Variants in AKAP12 observed in about 807,000 individuals in gnomAD.
The protein encoded by AKAP12 is A-kinase anchor protein 12.
A neutral mutation model predicts 79.9 loss-of-function variants in AKAP12; 32 were observed. That is an observed-to-expected ratio of 0.40 (90% confidence interval 0.30 to 0.54). The LOEUF is 0.54. Ranked by LOEUF, AKAP12 falls within the 20% of genes least tolerant of loss-of-function variation. AKAP12 has a pLI of 0.48. For synonymous variants in AKAP12, 808 were observed against 857.0 expected (o/e 0.94, Z 1.00); for missense variants, 2,074 against 2,177.0 (o/e 0.95, Z 0.94).
intron 2 of AKAP12, among the ~76,000 whole-genome samples, chr6:151,303,903 A>G (rs1776916784): frequency 6.6e-6 from 1 of 152,178 alleles, no homozygotes; most frequent in South Asian, 2.1e-4. Flanking sequence ...CCTCAAACAG[A>G]AAAACGCTGG....
Position 151,353,125 on chromosome 6 carries a change from A to G in AKAP12, c.4734A>G (p.Thr1578=). ...ATEMLTSELQ[T]QAHVIKADSQ... Reference sequence around the variant, plus strand: ...AAATGTTGACGTCTGAGTTACAGACACAAGCTCACGTGATAAAAGCTGACA... The same window carrying G: ...AAATGTTGACGTCTGAGTTACAGACGCAAGCTCACGTGATAAAAGCTGACA... The change falls in exon 4 of 5, where the codon ACA becomes ACG. Residue 1578 remains threonine (T), a synonymous_variant. Transcript: ENST00000402676. The G allele has an allele frequency of 1.2e-6, 2 of 1,614,254 alleles. No individual in the cohort carries two copies. The highest frequency in any genetic ancestry group is 1.7e-6 in the Non-Finnish European group (2 of 1,180,044).
At chr6:151,264,910 C>T (rs979958318) in intron 2 of AKAP12, among the ~76,000 whole-genome samples, 3 of 151,526 alleles carry the variant, frequency 2.0e-5, no homozygotes, top group African/African-American at 7.3e-5. Flanking sequence ...CCAGCACTTT[C>T]GGAGGCTGAG....
At chr6:151,345,961 G>GAA (rs1554333014) in intron 3 of AKAP12, among the ~76,000 whole-genome samples, 13 of 143,224 alleles carry the variant, frequency 9.1e-5, no homozygotes, top group African/African-American at 3.3e-4. Flanking sequence ...GAGAGAGAGA[G>GAA]AGAAAGGAGA....
intron 2 of AKAP12, among the ~76,000 whole-genome samples, chr6:151,269,286 G>A (rs1036248026): frequency 2.0e-5 from 3 of 151,948 alleles, no homozygotes; most frequent in African/African-American, 7.2e-5. Context: ...TTTTTTGTGT[G>A]TATTTCAATT....
At chr6:151,308,128 G>T (rs1404843727) in intron 3 of AKAP12, among the ~76,000 whole-genome samples, 1 of 152,132 alleles carries the variant, frequency 6.6e-6, no homozygotes, top group Admixed American at 6.5e-5. Flanking sequence ...GCCTGCCTCA[G>T]TCCCCCAAAG....
chr6:151,242,641 C>G (rs1392761002), intron 2 of AKAP12, among the ~76,000 whole-genome samples: 1 of 152,234 alleles, frequency 6.6e-6, no homozygotes, highest in African/African-American at 2.4e-5. Flanking sequence ...CTTGCCTCCC[C>G]TCTTCTTGTT....
rs1229424135 is a variant in AKAP12, at chr6:151,352,306, A to G, written c.3915A>G (p.Lys1305=). ...AAAAGGTCACTGAAGTTGCCCTTAA[A>G]GGTGAAGGGACAGAAGAAGCTGAAT... ...SREKVTEVAL[K]GEGTEEAECK... is the part of the protein sequence containing the mutation. The change falls in exon 4 of 5, where the codon AAA becomes AAG. Residue 1305 remains lysine (K), a synonymous_variant. Transcript: ENST00000402676. 3.1e-6 allele frequency: 5 copies of G among 1,614,064 alleles called. No individual in the cohort carries two copies. Among genetic ancestry groups the G allele is most frequent in the African/African-American group, 1.3e-5 (1 of 74,922 alleles).
At chr6:151,344,402 A>G (rs893285583) in intron 3 of AKAP12, among the ~76,000 whole-genome samples, 2 of 152,128 alleles carry the variant, frequency 1.3e-5, no homozygotes, top group Non-Finnish European at 2.9e-5. Context: ...AAATCTAGCA[A>G]TATTTGAAAA....
chr6:151,291,695 T>C (rs1030586698), intron 2 of AKAP12, among the ~76,000 whole-genome samples: 1 of 152,264 alleles, frequency 6.6e-6, no homozygotes, highest in African/African-American at 2.4e-5. Context: ...CCACGGACCC[T>C]AAATGGATTC....
intron 2 of AKAP12, among the ~76,000 whole-genome samples, chr6:151,269,919 G>A (rs1031331113): frequency 1.3e-5 from 2 of 152,078 alleles, no homozygotes; most frequent in Non-Finnish European, 2.9e-5. Flanking sequence ...AGCCAAATCT[G>A]TCTCTCTATG....
chr6:151,349,501 A>T lies in AKAP12; in HGVS notation c.1110A>T (p.Leu370Phe). Residue 370 changes from leucine (L) to phenylalanine (F), a missense_variant, in exon 4 of 5, where the codon TTA becomes TTT. Coordinates refer to ENST00000402676, the MANE Select transcript of AKAP12 (RefSeq NM_005100.4). Reference sequence around the variant, plus strand: ...CAGAAAGTGCCCACGAGCCCCGGTTATCAGCTGAATATGAGAAAGTTGAGC... The same window carrying T: ...CAGAAAGTGCCCACGAGCCCCGGTTTTCAGCTGAATATGAGAAAGTTGAGC... ...EPAESAHEPR[L>F]SAEYEKVELP... is the part of the protein sequence containing the mutation. The T allele has an allele frequency of 6.2e-7, 1 of 1,609,252 alleles. No homozygotes were observed. Among genetic ancestry groups the T allele is most frequent in the Non-Finnish European group, 8.5e-7 (1 of 1,178,504 alleles).
intron 2 of AKAP12, among the ~76,000 whole-genome samples, chr6:151,278,760 C>T (rs112406271): frequency 0.24 from 37,100 of 151,576 alleles, 4,700 homozygotes; most frequent in Non-Finnish European, 0.29. Flanking sequence ...CTCTGCCTCC[C>T]GGGTTCACGC....
At chr6:151,341,492 G>T (rs929509394) in intron 3 of AKAP12, among the ~76,000 whole-genome samples, 1 of 152,238 alleles carries the variant, frequency 6.6e-6, no homozygotes, top group Non-Finnish European at 1.5e-5. Context: ...ACCCCCGGGG[G>T]TTTCCTGGGA....
At chr6:151,245,646 G>C (rs1268742003) in intron 2 of AKAP12, among the ~76,000 whole-genome samples, 1 of 105,306 alleles carries the variant, frequency 9.5e-6, no homozygotes, top group Non-Finnish European at 1.8e-5. Context: ...GACAGAGAGA[G>C]ACTCCGTCTC....
intron 3 of AKAP12, among the ~76,000 whole-genome samples, chr6:151,345,521 G>T (rs1313350110): frequency 1.3e-5 from 2 of 151,420 alleles, no homozygotes; most frequent in South Asian, 2.1e-4. Flanking sequence ...GAGGCTGGGG[G>T]CAGTGGCTCA....
chr6:151,298,223 C>T (rs372789658), intron 2 of AKAP12, among the ~76,000 whole-genome samples: 6 of 152,154 alleles, frequency 3.9e-5, no homozygotes, highest in African/African-American at 1.4e-4. Flanking sequence ...CACCTTTACC[C>T]GCTTTGTCCT....
In AKAP12 at chr6:151,351,085, C is replaced by T. The variant is rs780655308; in HGVS notation, c.2694C>T (p.Asp898=). The change falls in exon 4 of 5, where the codon GAC becomes GAT. Residue 898 remains aspartate, a synonymous_variant. Transcript: ENST00000402676. The surrounding 1 kb of genome is among the most constrained non-coding windows in gnomAD (Gnocchi z 4.4). The part of the protein sequence containing the change: ...QVHMMAAAVA[D]GTRAATIIEE... Reference sequence around the variant, plus strand: ...ATATGATGGCAGCAGCTGTCGCTGACGGGACGAGGGCAGCTACCATTATTG... The same window carrying T: ...ATATGATGGCAGCAGCTGTCGCTGATGGGACGAGGGCAGCTACCATTATTG... 26 of 1,614,008 alleles carry T rather than the reference C, an allele frequency of 1.6e-5. No individual in the cohort carries two copies. Among genetic ancestry groups the T allele is most frequent in the Middle Eastern group, 3.3e-4 (2 of 6,084 alleles).
chr6:151,276,842 T>G (rs1488360317), intron 2 of AKAP12, among the ~76,000 whole-genome samples: 1 of 152,262 alleles, frequency 6.6e-6, no homozygotes, highest in Non-Finnish European at 1.5e-5. Flanking sequence ...TCTTGATTTA[T>G]CTGTTTAGTA....
chr6:151,309,354 G>A (rs1025359268), intron 3 of AKAP12, among the ~76,000 whole-genome samples: 1 of 152,186 alleles, frequency 6.6e-6, no homozygotes, highest in Non-Finnish European at 1.5e-5. Flanking sequence ...GTCCCTGGGA[G>A]GACTGGCCCA....
Sources: gnomAD v4.1 joint callset for allele counts (sites outside exome capture counted in the v4.1 genomes callset) on GRCh38, gnomAD v4.1.1 for gene constraint, Gnocchi (gnomAD v3.1) non-coding constraint, MANE v1.5 for transcripts, NCBI Gene and HGNC (gene_info 2026-07-23, HGNC 2026-07-21) for gene names.